The following IMMP2L variants were observed in gnomAD, a reference collection of about 807,000 sequenced individuals.
IMMP2L encodes the protein mitochondrial inner membrane protease subunit 2.
IMMP2L carries 18 observed loss-of-function variants against 19.3 expected under a neutral mutation model. That is an observed-to-expected ratio of 0.93 (90% CI 0.64 to 1.38). IMMP2L has a LOEUF of 1.38. Among genes scored for constraint, IMMP2L ranks in the 40% most tolerant of loss-of-function variants. IMMP2L has a pLI of 0.00. For synonymous variants in IMMP2L, 76 were observed against 73.0 expected, an observed-to-expected ratio of 1.04 and a Z score of -0.21; for missense variants, 233 against 218.2, an observed-to-expected ratio of 1.07 and a Z score of -0.43.
At chr7:111,261,427 A>AT (rs1240783143) in intron 3 of IMMP2L, among the ~76,000 whole-genome samples, 1 of 152,094 alleles carries the variant, frequency 6.6e-6, no homozygotes, top group African/African-American at 2.4e-5. Context: ...AGTCAGAAAT[A>AT]TTTTTTAAAA....
chr7:111,468,209 T>C (rs1840866188), intron 3 of IMMP2L, among the ~76,000 whole-genome samples: 1 of 152,168 alleles, frequency 6.6e-6, no homozygotes, highest in East Asian at 1.9e-4. Flanking sequence ...TAATCTGCTA[T>C]ATTAGTTTCC....
At chr7:111,280,827 T>C (rs1371262882) in intron 3 of IMMP2L, among the ~76,000 whole-genome samples, 1 of 151,988 alleles carries the variant, frequency 6.6e-6, no homozygotes, top group Non-Finnish European at 1.5e-5. Context: ...CCCAGGACTT[T>C]GGGAGGCCGA....
In IMMP2L at chr7:111,011,152, C is replaced by T. The variant is rs564164624; in HGVS notation, c.240-47587G>A. Among the ~76,000 whole-genome samples, 4 of 152,134 alleles carry T rather than the reference C, an allele frequency of 2.6e-5. No homozygotes were observed. In the South Asian group the frequency reaches 8.3e-4, roughly 32 times the overall value. On this transcript the variant is annotated intron_variant, in intron 3 of 5. Transcript: ENST00000405709. Reference sequence around the variant, plus strand: ...TGATTATGGAAAGAAAAAAAGTACCCACTAAATTTTAAAATATATGGTTCT... The same window carrying T: ...TGATTATGGAAAGAAAAAAAGTACCTACTAAATTTTAAAATATATGGTTCT...
chr7:110,977,790 G>A (rs1018785889), intron 3 of IMMP2L, among the ~76,000 whole-genome samples: 11 of 150,488 alleles, frequency 7.3e-5, no homozygotes, highest in Middle Eastern at 3.4e-3. Context: ...TAAGACCTTT[G>A]AAATAATTAA....
intron 5 of IMMP2L, among the ~76,000 whole-genome samples, chr7:110,840,918 C>A (rs1805018321): frequency 6.6e-6 from 1 of 151,826 alleles, no homozygotes; most frequent in Non-Finnish European, 1.5e-5. Flanking sequence ...TACATTTTGG[C>A]AATTTGGTAG....
intron 4 of IMMP2L, among the ~76,000 whole-genome samples, chr7:110,904,912 C>A (rs565418164): frequency 1.3e-5 from 2 of 152,248 alleles, no homozygotes; most frequent in Non-Finnish European, 1.5e-5. Flanking sequence ...CAAAAGCAAT[C>A]CTGTTTCACC....
intron 5 of IMMP2L, among the ~76,000 whole-genome samples, chr7:110,716,016 C>T (rs1795213275): frequency 6.6e-6 from 1 of 151,778 alleles, no homozygotes; most frequent in Non-Finnish European, 1.5e-5. Context: ...TATGTAATGC[C>T]CTTCTTTTTC....
chr7:111,285,008 A>G (rs1820333517), intron 3 of IMMP2L, among the ~76,000 whole-genome samples: 1 of 152,210 alleles, frequency 6.6e-6, no homozygotes, highest in African/African-American at 2.4e-5. Flanking sequence ...GCCATGAGCC[A>G]CAGGGTGGAG....
At chr7:110,868,839 G>A (rs1376787948) in intron 5 of IMMP2L, among the ~76,000 whole-genome samples, 1 of 151,338 alleles carries the variant, frequency 6.6e-6, no homozygotes, top group Non-Finnish European at 1.5e-5. Context: ...TCAATTTCTT[G>A]TTCTGGAAAA....
At chr7:110,719,017 C>T (rs1256212064) in intron 5 of IMMP2L, among the ~76,000 whole-genome samples, 1 of 152,182 alleles carries the variant, frequency 6.6e-6, no homozygotes, top group African/African-American at 2.4e-5. Flanking sequence ...AACCTATTCC[C>T]TGCCTGTGCT....
At chr7:111,020,899 T>C (rs569278757) in intron 3 of IMMP2L, among the ~76,000 whole-genome samples, 1 of 152,356 alleles carries the variant, frequency 6.6e-6, no homozygotes, top group South Asian at 2.1e-4. Context: ...GACTCATATA[T>C]TCAAATTGTT....
intron 5 of IMMP2L, among the ~76,000 whole-genome samples, chr7:110,678,855 T>G (rs17475963): frequency 0.23 from 35,084 of 152,178 alleles, 4,748 homozygotes; most frequent in Middle Eastern, 0.34. Flanking sequence ...ATGTGATAGG[T>G]TGATACAATG....
At chr7:111,217,713 G>A (rs1199612310) in intron 3 of IMMP2L, among the ~76,000 whole-genome samples, 2 of 151,938 alleles carry the variant, frequency 1.3e-5, no homozygotes, top group Non-Finnish European at 2.9e-5. Flanking sequence ...AATTACAATA[G>A]TTTCAGGTAA....
At chr7:111,212,428 G>A (rs1811428562) in intron 3 of IMMP2L, among the ~76,000 whole-genome samples, 1 of 152,036 alleles carries the variant, frequency 6.6e-6, no homozygotes, top group Non-Finnish European at 1.5e-5. Flanking sequence ...AGGCAATGTG[G>A]CAAAAGCCTG....
At chr7:110,851,166 C>A (rs1405674667) in intron 5 of IMMP2L, among the ~76,000 whole-genome samples, 1 of 151,900 alleles carries the variant, frequency 6.6e-6, no homozygotes, top group South Asian at 2.1e-4. Flanking sequence ...TGTCAATGGA[C>A]AAAATTTTAA....
At chr7:111,416,884 T>C (rs1835001540) in intron 3 of IMMP2L, among the ~76,000 whole-genome samples, 1 of 151,682 alleles carries the variant, frequency 6.6e-6, no homozygotes, top group Non-Finnish European at 1.5e-5. Flanking sequence ...ACATAATACC[T>C]TTAATATAAT....
intron 3 of IMMP2L, among the ~76,000 whole-genome samples, chr7:111,088,332 C>A (rs1189222660): frequency 6.6e-6 from 1 of 152,098 alleles, no homozygotes; most frequent in Admixed American, 6.5e-5. Context: ...ACTCAGTATT[C>A]ATCTAGGAAA....
intron 2 of IMMP2L, among the ~76,000 whole-genome samples, chr7:111,515,605 G>A (rs149445785): frequency 6.6e-6 from 1 of 152,274 alleles, no homozygotes; most frequent in East Asian, 1.9e-4. Flanking sequence ...TTCCCTGCAA[G>A]TTAGTTACAC....
intron 5 of IMMP2L, among the ~76,000 whole-genome samples, chr7:110,720,685 G>GT: frequency 6.6e-6 from 1 of 152,104 alleles, no homozygotes; most frequent in South Asian, 2.1e-4. Flanking sequence ...TCTTATATTA[G>GT]CTGTCTCTAT....
Sources: gnomAD v4.1 joint callset for allele counts (sites outside exome capture counted in the v4.1 genomes callset) on GRCh38, gnomAD v4.1.1 for gene constraint, MANE v1.5 for transcripts, NCBI Gene and HGNC (gene_info 2026-07-23, HGNC 2026-07-21) for gene names.